The following ROBO2 variants were observed in gnomAD, a reference collection of about 807,000 sequenced individuals.
ROBO2 encodes roundabout homolog 2.
Under a neutral mutation model 160.8 loss-of-function variants are expected in ROBO2, and 53 were observed. That is an observed-to-expected ratio of 0.33 (90% CI 0.26 to 0.41). The LOEUF is 0.41. ROBO2 is among the 10% of genes least tolerant of loss of function. The probability of loss-of-function intolerance (pLI) is 1.00; values close to 1 mark genes in which losing one functional copy is unlikely to be tolerated. For synonymous variants in ROBO2, 664 were observed against 611.7 expected, an observed-to-expected ratio of 1.09 and a Z score of -1.26; for missense variants, 1,577 against 1,722.4, an observed-to-expected ratio of 0.92 and a Z score of 1.49.
chr3:76,635,091 C>T (rs994698478), intron 2 of ROBO2, among the ~76,000 whole-genome samples: 6 of 152,156 alleles, frequency 3.9e-5, no homozygotes, highest in African/African-American at 9.7e-5. Flanking sequence ...GCCAAAATGT[C>T]GGGGACCGCT....
At chr3:76,593,248 A>C (rs1578382342) in intron 2 of ROBO2, among the ~76,000 whole-genome samples, 1 of 152,158 alleles carries the variant, frequency 6.6e-6, no homozygotes, top group East Asian at 1.9e-4. Context: ...TGACATTAAG[A>C]ATGCTGTAAT....
intron 1 of ROBO2, among the ~76,000 whole-genome samples, chr3:77,088,221 G>C (rs899304992): frequency 1.5e-4 from 23 of 152,144 alleles, no homozygotes; most frequent in African/African-American, 4.8e-4. Flanking sequence ...GATAAGTAAA[G>C]ACCTGAGATA....
intron 2 of ROBO2, among the ~76,000 whole-genome samples, chr3:77,202,647 C>G (rs192336948): frequency 2.6e-5 from 4 of 152,198 alleles, no homozygotes; most frequent in Admixed American, 2.6e-4. Flanking sequence ...CTTGACTCCC[C>G]GACTTCATTC....
chr3:77,540,119 A>G (rs1398330363), intron 6 of ROBO2, among the ~76,000 whole-genome samples: 1 of 152,228 alleles, frequency 6.6e-6, no homozygotes, highest in African/African-American at 2.4e-5. Context: ...GATGAAAAGC[A>G]CTATAGGTTT....
chr3:77,025,367 C>T (rs190155142), intron 2 of ROBO2, among the ~76,000 whole-genome samples: 2 of 152,148 alleles, frequency 1.3e-5, no homozygotes, highest in East Asian at 3.9e-4. Context: ...AGACTATGTC[C>T]CAAGTGGCAT....
intron 2 of ROBO2, among the ~76,000 whole-genome samples, chr3:77,328,438 C>A (rs541769249): frequency 6.6e-6 from 1 of 152,274 alleles, no homozygotes; most frequent in South Asian, 2.1e-4. Context: ...TCCTAGCAAG[C>A]CAGAATTAAT....
chr3:77,633,644 TGG>T (rs2095212880), intron 23 of ROBO2: 1 of 152,200 alleles, frequency 6.6e-6, no homozygotes. Context: ...GAAGTTTTCT[TGG>T]AATTATACCA....
intron 2 of ROBO2, among the ~76,000 whole-genome samples, chr3:77,034,727 C>G (rs1380617869): frequency 6.6e-6 from 1 of 151,896 alleles, no homozygotes; most frequent in Non-Finnish European, 1.5e-5. Flanking sequence ...CCTTGACAAT[C>G]TCTTCTTTTT....
At chr3:77,079,352 A>G (rs2068375234) in intron 1 of ROBO2, among the ~76,000 whole-genome samples, 1 of 152,216 alleles carries the variant, frequency 6.6e-6, no homozygotes, top group Non-Finnish European at 1.5e-5. Context: ...CGTTACAGGT[A>G]TCCTTCATTC....
chr3:76,042,194 C>T (rs1318544920), intron 2 of ROBO2, among the ~76,000 whole-genome samples: 2 of 151,876 alleles, frequency 1.3e-5, no homozygotes, highest in Non-Finnish European at 2.9e-5. Context: ...TATTAATGTA[C>T]TAATACCTGA....
intron 2 of ROBO2, among the ~76,000 whole-genome samples, chr3:77,281,254 T>C (rs1560418310): frequency 6.6e-6 from 1 of 152,212 alleles, no homozygotes; most frequent in Non-Finnish European, 1.5e-5. Flanking sequence ...GCTTGTGTTG[T>C]CCAGATTAGA....
chr3:77,536,111 C>A (rs2092079367), intron 6 of ROBO2, among the ~76,000 whole-genome samples: 1 of 152,156 alleles, frequency 6.6e-6, no homozygotes, highest in South Asian at 2.1e-4. Context: ...AGTTTAATTT[C>A]TGCCTGGCAA....
At chr3:76,561,299 A>G (rs1578159599) in intron 2 of ROBO2, among the ~76,000 whole-genome samples, 1 of 152,150 alleles carries the variant, frequency 6.6e-6, no homozygotes, top group African/African-American at 2.4e-5. Flanking sequence ...GAGAGGAGGA[A>G]GCAGTCAAAC....
At chr3:76,620,957 A>G (rs1415368677) in intron 2 of ROBO2, among the ~76,000 whole-genome samples, 2 of 152,200 alleles carry the variant, frequency 1.3e-5, no homozygotes, top group Non-Finnish European at 2.9e-5. Context: ...ATCATTAGAA[A>G]CATCATGTAT....
intron 2 of ROBO2, among the ~76,000 whole-genome samples, chr3:76,791,920 A>G (rs1176041567): frequency 2.0e-5 from 3 of 151,902 alleles, no homozygotes; most frequent in Non-Finnish European, 4.4e-5. Context: ...GTTAATTATT[A>G]TAAATAATCA....
intron 2 of ROBO2, among the ~76,000 whole-genome samples, chr3:76,189,068 C>A (rs752253575): frequency 8.6e-5 from 13 of 152,034 alleles, no homozygotes; most frequent in Admixed American, 3.3e-4. Context: ...GGAATAAACA[C>A]TGAGTCAGCA....
intron 2 of ROBO2, among the ~76,000 whole-genome samples, chr3:76,809,022 T>C (rs2064960902): frequency 1.3e-5 from 2 of 152,176 alleles, no homozygotes; most frequent in South Asian, 4.1e-4. Context: ...CAATTTGCTT[T>C]TTGAAAGTAA....
At chr3:76,417,046 C>G (rs1403136713) in intron 2 of ROBO2, among the ~76,000 whole-genome samples, 2 of 151,830 alleles carry the variant, frequency 1.3e-5, no homozygotes, top group Non-Finnish European at 2.9e-5. Flanking sequence ...ATTCAGTTAT[C>G]ATGGCATCCT....
At chr3:76,750,290 C>T (rs1449445456) in intron 2 of ROBO2, among the ~76,000 whole-genome samples, 5 of 152,014 alleles carry the variant, frequency 3.3e-5, no homozygotes, top group East Asian at 3.9e-4. Context: ...ATTGATGGGA[C>T]GTATCTCAAA....
Sources: gnomAD v4.1 joint callset for allele counts (sites outside exome capture counted in the v4.1 genomes callset) on GRCh38, gnomAD v4.1.1 for gene constraint, MANE v1.5 for transcripts, NCBI Gene and HGNC (gene_info 2026-07-23, HGNC 2026-07-21) for gene names.